SRPX: variants seen among roughly 807,000 people sequenced by gnomAD.
The protein encoded by SRPX is sushi repeat containing protein X-linked, also known as sushi repeat-containing protein SRPX.
Under a neutral mutation model 38.1 loss-of-function variants are expected in SRPX, and 24 were observed. The observed-to-expected ratio is 0.63, with a 90% CI of 0.46 to 0.89. The LOEUF is 0.89. SRPX is among the 40% of genes least tolerant of loss of function. The pLI is 0.00. For synonymous variants in SRPX, 184 were observed against 153.8 expected (o/e 1.20, Z -1.45); for missense variants, 416 against 377.8 (o/e 1.10, Z -0.84).
intron 1 of SRPX, among the ~76,000 whole-genome samples, chrX:38,206,930 C>T (rs1939221732): frequency 8.9e-6 from 1 of 111,997 alleles, no homozygotes; most frequent in South Asian, 3.8e-4. Context: ...AGAGAATGAT[C>T]CCTGCCAGAC....
At chrX:38,205,623 A>G (rs1401844888) in intron 1 of SRPX, among the ~76,000 whole-genome samples, 1 of 111,908 alleles carries the variant, frequency 8.9e-6, no homozygotes. Context: ...TAGGCTTTAT[A>G]TTTAGGTCTA....
chrX:38,173,002 T>C (rs964705848), intron 3 of SRPX, among the ~76,000 whole-genome samples: 18 of 112,285 alleles, frequency 1.6e-4, no homozygotes, highest in Non-Finnish European at 1.9e-5. Flanking sequence ...GGGTACTGGA[T>C]ACATACAACT....
chrX:38,220,802 G>C lies in SRPX; in HGVS notation c.-10C>G, dbSNP rs1245243619. 1.8e-6 allele frequency: 2 copies of C among 1,089,953 alleles called. No individual in the cohort carries two copies. The highest frequency in any genetic ancestry group is 2.4e-6 in the Non-Finnish European group (2 of 844,314). 89.8% of individuals were successfully genotyped at this position (1,089,953 alleles called of 1,213,427 possible). A position where few individuals can be genotyped will look rare whatever the true frequency, so the allele number is the denominator to read the frequency against. On this transcript the variant is annotated 5_prime_UTR_variant, in exon 1 of 10. Transcript: ENST00000378533. ...GTGCGGGGCTCCCCATGGCGAGCGG[G>C]CGCTTAGCTCGCCTCGGCAGCGCAG...
chrX:38,220,443 C>T (rs1469145502), intron 1 of SRPX, among the ~76,000 whole-genome samples: 1 of 113,766 alleles, frequency 8.8e-6, no homozygotes, highest in Non-Finnish European at 1.9e-5. Context: ...GAAGCCCGGA[C>T]GCAGAAGGTG....
chrX:38,198,558 C>T (rs1939040841), intron 1 of SRPX, among the ~76,000 whole-genome samples: 1 of 111,984 alleles, frequency 8.9e-6, no homozygotes, highest in Non-Finnish European at 1.9e-5. Flanking sequence ...AACAAGCAAG[C>T]ACCCTGGGGT....
intron 8 of SRPX, 147 bp downstream of exon 8, chrX:38,156,749 A>C (rs1938139098): frequency 1.5e-6 from 1 of 655,650 alleles, no homozygotes; most frequent in Non-Finnish European, 2.2e-6. Context: ...AGAACCAGAA[A>C]TGAATGGTGG....
Position 38,197,320 on chromosome X carries a change from A to G in SRPX, c.98-18976T>C, listed in dbSNP as rs183922434. On this transcript the variant is annotated intron_variant, in intron 1 of 9. Coordinates refer to ENST00000378533, the MANE Select transcript of SRPX (RefSeq NM_006307.5). ...AGCAGGTGAAATAGTTTCTTAAAAA[A>G]GAGAGAGCAACAGTGGCCTGCAAGA... is the stretch of plus-strand genomic sequence containing the variant. Among the ~76,000 whole-genome samples the G allele has an allele frequency of 4.1e-3, 461 of 112,678 alleles. 4 individuals are homozygous for G. The highest frequency in any genetic ancestry group is 6.4e-3 in the Non-Finnish European group (341 of 53,320).
intron 1 of SRPX, among the ~76,000 whole-genome samples, chrX:38,215,609 C>T (rs995702854): frequency 4.5e-5 from 5 of 112,236 alleles, no homozygotes; most frequent in Admixed American, 9.5e-5. Context: ...TCTTGCAATC[C>T]GTTTTCTCAG....
At chrX:38,171,739 G>C in intron 4 of SRPX, 142 bp downstream of exon 4, 1 of 537,531 alleles carries the variant, frequency 1.9e-6, no homozygotes, top group East Asian at 3.6e-5. Context: ...CTGAGCCAGA[G>C]AACCAGTGAT....
intron 4 of SRPX, among the ~76,000 whole-genome samples, chrX:38,167,948 A>G (rs1938392623): frequency 9.0e-6 from 1 of 110,795 alleles, no homozygotes; most frequent in Non-Finnish European, 1.9e-5. Flanking sequence ...TCATTTATTT[A>G]TTTATTTTTG....
At position 38,180,837 on chromosome X, in the gene SRPX, T is replaced by A. The variant is rs1032071437; in HGVS notation, c.98-2493A>T. ...GGTTTCTTAACATGGGAAAATATTA[T>A]AGAATGCTGAATGAATAAAGAAAGA... is the stretch of plus-strand genomic sequence containing the variant. On this transcript the variant is annotated intron_variant, in intron 1 of 9. Transcript: ENST00000378533. Among the ~76,000 whole-genome samples the A allele has an allele frequency of 2.7e-5, 3 of 112,235 alleles. No homozygotes were observed. The South Asian group carries it at 1.1e-3, about 42-fold the overall frequency.
rs767507731 is a variant in SRPX at position 38,172,007 on chromosome X, C to T, written c.400G>A (p.Val134Ile). 2 of 1,211,851 alleles carry T rather than the reference C, an allele frequency of 1.7e-6. No homozygotes were observed. The highest frequency in any genetic ancestry group is 2.2e-6 in the Non-Finnish European group (2 of 895,418). The stretch of plus-strand genomic sequence containing the variant: ...CGGGAGTTAAAGTAGGCACCATCTA[C>T]ACACTTAAACCCTCCATTTGCTGGC... ...AMPANGGFKC[V>I]DGAYFNSRCE... Residue 134 changes from valine (V) to isoleucine (I), a missense_variant, in exon 4 of 10, where the codon GTA becomes ATA. Val to Ile is a conservative substitution (Grantham distance 29, BLOSUM62 3). Coordinates refer to ENST00000378533, the MANE Select transcript of SRPX (RefSeq NM_006307.5).
chrX:38,182,247 C>T (rs1489899220), intron 1 of SRPX, among the ~76,000 whole-genome samples: 1 of 112,219 alleles, frequency 8.9e-6, no homozygotes, highest in Non-Finnish European at 1.9e-5. Flanking sequence ...TCTGCCTGGC[C>T]TTCAAATCTA....
At chrX:38,166,388 T>C (rs1169125189) in intron 4 of SRPX, among the ~76,000 whole-genome samples, 1 of 112,071 alleles carries the variant, frequency 8.9e-6, no homozygotes, top group Non-Finnish European at 1.9e-5. Context: ...CAATCCTAAA[T>C]TGAATAACCA....
intron 4 of SRPX, 101 bp from the exon 5 acceptor site, chrX:38,164,996 T>C (rs184089234): frequency 1.2e-5 from 9 of 768,740 alleles, no homozygotes; most frequent in Non-Finnish European, 1.7e-5. Context: ...CTGGGTATTC[T>C]CCATTTTCAA....
intron 7 of SRPX, 73 bp downstream of exon 7, chrX:38,159,944 C>A (rs976439057): frequency 5.5e-6 from 6 of 1,093,689 alleles, no homozygotes; most frequent in Non-Finnish European, 7.4e-6. Flanking sequence ...TGAAGGGAAA[C>A]CTCTCTTGCA....
chrX:38,172,031 G>T lies in SRPX; in HGVS notation c.376C>A (p.Pro126Thr), dbSNP rs1938480514. ...ACACACTTAAACCCTCCATTTGCTG[G>T]CATGGCAAGGGTAGGACATCGCTTT... ...KQKRCPTLAM[P>T]ANGGFKCVDG... Residue 126 changes from proline (P) to threonine (T), a missense_variant, in exon 4 of 10, where the codon CCA (proline) becomes ACA (threonine). Transcript: ENST00000378533. The T allele has an allele frequency of 8.3e-7, 1 of 1,211,193 alleles. No homozygotes were observed. The highest frequency in any genetic ancestry group is 1.1e-6 in the Non-Finnish European group (1 of 895,080).
intron 1 of SRPX, among the ~76,000 whole-genome samples, chrX:38,178,946 C>CTTT (rs58878251): frequency 2.5e-5 from 2 of 81,051 alleles, no homozygotes; most frequent in African/African-American, 4.2e-5. Context: ...AGTAAAATTT[C>CTTT]TTTTTTTTTT....
chrX:38,175,658 C>T (rs145510923), intron 2 of SRPX, among the ~76,000 whole-genome samples: 1,153 of 111,343 alleles, frequency 0.01, 7 homozygotes, highest in Middle Eastern at 0.041. Context: ...GCTGGAACTA[C>T]AGGCACGCAC....
Sources: gnomAD v4.1 joint callset for allele counts (sites outside exome capture counted in the v4.1 genomes callset) on GRCh38, gnomAD v4.1.1 for gene constraint, MANE v1.5 for transcripts, NCBI Gene and HGNC (gene_info 2026-07-23, HGNC 2026-07-21) for gene names.